KCNIP3: variants seen among roughly 807,000 people sequenced by gnomAD.
KCNIP3 encodes calsenilin.
Under a neutral mutation model 35.0 loss-of-function variants are expected in KCNIP3, and 28 were observed. The observed-to-expected ratio is 0.80, with a 90% CI of 0.59 to 1.10. The LOEUF (loss-of-function observed/expected upper bound fraction) is 1.10, where lower values mean the gene tolerates loss of function less well. Ranked by LOEUF, KCNIP3 falls within the 50% of genes least tolerant of loss-of-function variation. The pLI is 0.00. For synonymous variants in KCNIP3, 134 were observed against 133.8 expected (o/e 1.00, Z -0.01); for missense variants, 295 against 338.4 (o/e 0.87, Z 1.01).
At chr2:95,301,894 T>C (rs1399561109) in intron 1 of KCNIP3, among the ~76,000 whole-genome samples, 1 of 151,774 alleles carries the variant, frequency 6.6e-6, no homozygotes, top group Non-Finnish European at 1.5e-5. Context: ...ATAGGTGTGT[T>C]TGCAGGCATG....
chr2:95,323,495 A>C (rs1678646433), intron 2 of KCNIP3, among the ~76,000 whole-genome samples: 1 of 151,724 alleles, frequency 6.6e-6, no homozygotes. Flanking sequence ...CCACCCCTCC[A>C]GGAAAGGGCC....
intron 2 of KCNIP3, among the ~76,000 whole-genome samples, chr2:95,338,793 G>T (rs1416587783): frequency 6.6e-6 from 1 of 152,206 alleles, no homozygotes; most frequent in African/African-American, 2.4e-5. Flanking sequence ...TCCTTTATCT[G>T]TGAGGTTGAT....
intron 2 of KCNIP3, among the ~76,000 whole-genome samples, chr2:95,325,837 ACACT>A (rs1678746281): frequency 1.1e-5 from 1 of 91,264 alleles, no homozygotes; most frequent in Admixed American, 1.0e-4. Context: ...ACACTCATAC[ACACT>A]CATACACACA....
rs542101404 is a variant in KCNIP3, at chr2:95,328,510, G to T, written c.181+17990G>T. 2.6e-5 allele frequency among the ~76,000 whole-genome samples: 4 copies of T among 152,364 alleles called. No individual in the cohort carries two copies. In the South Asian group the frequency reaches 8.3e-4, roughly 32 times the overall value. ...AAGCACTGATCTCACAAAGGAAGTGGTGAATCTGGGGAGGGTGGGCTGGAC... is the reference window on the plus strand; with the variant it reads ...AAGCACTGATCTCACAAAGGAAGTGTTGAATCTGGGGAGGGTGGGCTGGAC... On this transcript the variant is annotated intron_variant, in intron 2 of 8. Transcript: ENST00000295225.
At chr2:95,383,355 T>G in intron 8 of KCNIP3, 61 bp downstream of exon 8, 3 of 1,525,474 alleles carry the variant, frequency 2.0e-6, no homozygotes, top group Non-Finnish European at 2.7e-6. Flanking sequence ...GGTGGGTGGT[T>G]GGCAGCGTCT....
intron 2 of KCNIP3, among the ~76,000 whole-genome samples, chr2:95,326,493 T>C (rs1678798329): frequency 6.6e-6 from 1 of 152,234 alleles, no homozygotes; most frequent in Non-Finnish European, 1.5e-5. Context: ...GCGCCCAACA[T>C]GGCCTACAGG....
rs1680394473 is a variant in KCNIP3 at position 95,383,276 on chromosome 2, C to T, written c.705C>T (p.Phe235=). Residue 235 remains phenylalanine, a synonymous_variant, in exon 8 of 9, where the codon TTC becomes TTT. Transcript: ENST00000295225. ...ATGGGGTAGTGACCATTGAAGAGTT[C>T]CTGGAGGCCTGTCAGAAGGTAGGTG... ...NQDGVVTIEE[F]LEACQKDENI... is the part of the protein sequence containing the mutation. The T allele has an allele frequency of 2.5e-6, 4 of 1,613,764 alleles. No homozygotes were observed. The highest frequency in any genetic ancestry group is 1.1e-5 in the South Asian group (1 of 90,986).
At chr2:95,320,331 G>A (rs1425416394) in intron 2 of KCNIP3, among the ~76,000 whole-genome samples, 1 of 152,136 alleles carries the variant, frequency 6.6e-6, no homozygotes, top group African/African-American at 2.4e-5. Context: ...AAGTACTCAG[G>A]GAATCCTTTC....
rs1261577152 is a variant in KCNIP3, at chr2:95,377,205, G to A, written c.447+1997G>A. ...TCGTGCAACTCATCTGGCTTGCCAG[G>A]ACGTGCAGAGCTTCCAAAACGATTC... On this transcript the variant is annotated intron_variant, in intron 5 of 8. Coordinates refer to ENST00000295225, the MANE Select transcript of KCNIP3 (RefSeq NM_013434.5). This position sits in a 1 kb window ranked among gnomAD's most constrained non-coding sequence, Gnocchi z 4.7. Among the ~76,000 whole-genome samples, 3 of 152,264 alleles carry A rather than the reference G, an allele frequency of 2.0e-5. No individual in the cohort carries two copies. The highest frequency in any genetic ancestry group is 4.4e-5 in the Non-Finnish European group (3 of 68,044).
intron 2 of KCNIP3, among the ~76,000 whole-genome samples, chr2:95,333,838 C>T (rs1678991814): frequency 6.6e-6 from 1 of 152,188 alleles, no homozygotes; most frequent in Non-Finnish European, 1.5e-5. Context: ...GGGCGTCTCA[C>T]TCCTGCCCAG....
At chr2:95,323,149 C>A (rs777890361) in intron 2 of KCNIP3, among the ~76,000 whole-genome samples, 1 of 152,158 alleles carries the variant, frequency 6.6e-6, no homozygotes, top group South Asian at 2.1e-4. Context: ...TGATGACTGG[C>A]GAGATGGGCA....
chr2:95,313,950 T>TAC (rs1222245347), intron 2 of KCNIP3: 1 of 149,764 alleles, frequency 6.7e-6, no homozygotes, highest in African/African-American at 2.5e-5. Flanking sequence ...CACACACACA[T>TAC]ACACACACAA....
At chr2:95,327,417 A>G (rs952998401) in intron 2 of KCNIP3, among the ~76,000 whole-genome samples, 2 of 151,862 alleles carry the variant, frequency 1.3e-5, no homozygotes, top group African/African-American at 4.8e-5. Context: ...ATACGCTTAC[A>G]CTCACACATG....
chr2:95,334,708 C>T (rs891886497), intron 2 of KCNIP3, among the ~76,000 whole-genome samples: 3 of 152,144 alleles, frequency 2.0e-5, no homozygotes, highest in African/African-American at 4.8e-5. Context: ...ATGAGAAATC[C>T]TCCACATGGG....
At chr2:95,354,375 G>GT (rs1275835382) in intron 2 of KCNIP3, among the ~76,000 whole-genome samples, 3 of 152,236 alleles carry the variant, frequency 2.0e-5, no homozygotes. Context: ...TTGGACATGC[G>GT]TTTTATGCCA....
At chr2:95,355,165 G>A (rs1248370440) in intron 2 of KCNIP3, 1 of 152,146 alleles carries the variant, frequency 6.6e-6, no homozygotes, top group Non-Finnish European at 1.5e-5. Context: ...GGAGATGGTT[G>A]TGTGTGTCCC....
intron 2 of KCNIP3, among the ~76,000 whole-genome samples, chr2:95,332,171 G>A (rs1232006729): frequency 6.6e-5 from 10 of 152,228 alleles, no homozygotes; most frequent in Admixed American, 3.3e-4. Context: ...GCAAAAGGCC[G>A]GTCCTCCTGA....
At chr2:95,354,451 A>G (rs542413318) in intron 2 of KCNIP3, among the ~76,000 whole-genome samples, 379 of 152,340 alleles carry the variant, frequency 2.5e-3, no homozygotes, top group Non-Finnish European at 4.4e-3. Context: ...TGCCCTCTGC[A>G]GGGAGGGTCC....
intron 1 of KCNIP3, 118 bp downstream of exon 1, chr2:95,297,571 C>A: frequency 2.4e-6 from 2 of 826,282 alleles, no homozygotes; most frequent in Non-Finnish European, 1.9e-6. Flanking sequence ...CCCTCTTGTT[C>A]CACTTTCCTT....
Sources: allele counts gnomAD v4.1 joint callset (sites outside exome capture counted in the v4.1 genomes callset), GRCh38; gene constraint gnomAD v4.1.1; non-coding constraint Gnocchi (gnomAD v3.1); transcripts MANE v1.5; gene names NCBI Gene and HGNC (gene_info 2026-07-23, HGNC 2026-07-21).